ANXA9: variants seen among roughly 807,000 people sequenced by gnomAD.
ANXA9 encodes annexin A9.
In ANXA9, 47 loss-of-function variants were observed where a neutral mutation model predicts 51.8. That is an observed-to-expected ratio of 0.91 (90% CI 0.72 to 1.16). The LOEUF (loss-of-function observed/expected upper bound fraction) is 1.16. ANXA9 is among the 50% of genes most tolerant of loss of function. ANXA9 has a pLI of 0.00. For synonymous variants in ANXA9, 154 were observed against 168.7 expected (o/e 0.91, Z 0.68); for missense variants, 361 against 424.7 (o/e 0.85, Z 1.32).
intron 9 of ANXA9, among the ~76,000 whole-genome samples, chr1:150,987,618 C>T (rs1671597213): frequency 6.6e-6 from 1 of 150,596 alleles, no homozygotes; most frequent in Non-Finnish European, 1.5e-5. Context: ...ATCCCAGCTA[C>T]TCAGGAGGCT....
At chr1:150,986,477 G>T (rs2102793787) in intron 8 of ANXA9, 62 bp downstream of exon 8, 1 of 1,587,780 alleles carries the variant, frequency 6.3e-7, no homozygotes. Context: ...ACACGCTGGA[G>T]CAGGGAGCAT....
At chr1:150,988,430 T>A in intron 12 of ANXA9, 89 bp downstream of exon 12, 1 of 1,482,462 alleles carries the variant, frequency 6.7e-7, no homozygotes, top group Non-Finnish European at 9.4e-7. Flanking sequence ...CCATCCTATA[T>A]ACACCGTCTA....
At chr1:150,986,955 G>A (rs1671575072) in intron 9 of ANXA9, among the ~76,000 whole-genome samples, 1 of 152,058 alleles carries the variant, frequency 6.6e-6, no homozygotes, top group Non-Finnish European at 1.5e-5. Context: ...TTTAATCCTC[G>A]GGTACCAGGA....
chr1:150,980,831 G>A (rs1039397099), upstream of ANXA9, among the ~76,000 whole-genome samples: 19 of 151,912 alleles, frequency 1.3e-4, no homozygotes, highest in Admixed American at 2.6e-4. Context: ...CACCCGCCTC[G>A]GCCTCACAAA....
At chr1:150,988,973 CTTT>C (rs35284337) in intron 12 of ANXA9, among the ~76,000 whole-genome samples, 6 of 141,444 alleles carry the variant, frequency 4.2e-5, no homozygotes, top group Admixed American at 7.1e-5. Context: ...ATTATCCATA[CTTT>C]TTTTTTTTTT....
At chr1:150,986,154 T>A (rs1671550907) in intron 7 of ANXA9, among the ~76,000 whole-genome samples, 182 bp from the exon 8 acceptor site, 1 of 152,132 alleles carries the variant, frequency 6.6e-6, no homozygotes, top group Non-Finnish European at 1.5e-5. Context: ...CTTAGAGATG[T>A]TTTTAGAGTG....
At chr1:150,982,962 A>G in intron 2 of ANXA9, 128 bp from the exon 3 acceptor site, 2 of 662,234 alleles carry the variant, frequency 3.0e-6, no homozygotes, top group Non-Finnish European at 5.1e-6. Flanking sequence ...AAGCAGGTTG[A>G]TCTTTTTTTC....
chr1:150,986,723 T>C, intron 9 of ANXA9, 62 bp downstream of exon 9: 1 of 1,489,118 alleles, frequency 6.7e-7, no homozygotes, highest in Non-Finnish European at 9.1e-7. Flanking sequence ...TCCTCCACCA[T>C]ATCTTAGAGC....
At chr1:150,980,004 C>T (rs1671388918), upstream of ANXA9, among the ~76,000 whole-genome samples, 1 of 152,168 alleles carries the variant, frequency 6.6e-6, no homozygotes, top group African/African-American at 2.4e-5. Flanking sequence ...AAGTCTGGCT[C>T]CAGAAGCTTT....
intron 7 of ANXA9, among the ~76,000 whole-genome samples, 165 bp from the exon 8 acceptor site, chr1:150,986,171 A>G (rs1327398329): frequency 6.6e-6 from 1 of 152,146 alleles, no homozygotes; most frequent in East Asian, 1.9e-4. Context: ...AGTGGCCGTG[A>G]TGGTACTTGT....
chr1:150,988,613 A>T (rs930712937), intron 12 of ANXA9, among the ~76,000 whole-genome samples: 10 of 152,216 alleles, frequency 6.6e-5, no homozygotes, highest in Non-Finnish European at 1.2e-4. Flanking sequence ...TCTGTAAGAC[A>T]GTGCCTTGTG....
intron 9 of ANXA9, among the ~76,000 whole-genome samples, 168 bp from the exon 10 acceptor site, chr1:150,987,704 G>A (rs963868292): frequency 6.6e-6 from 1 of 150,920 alleles, no homozygotes; most frequent in African/African-American, 2.4e-5. Flanking sequence ...CTCCAGCCTG[G>A]GTGACAGAAT....
intron 8 of ANXA9, 62 bp downstream of exon 8, chr1:150,986,477 G>C: frequency 6.3e-7 from 1 of 1,587,782 alleles, no homozygotes; most frequent in Admixed American, 1.7e-5. Context: ...ACACGCTGGA[G>C]CAGGGAGCAT....
At chr1:150,978,550 T>C (rs1327496315), upstream of ANXA9, among the ~76,000 whole-genome samples, 1 of 152,170 alleles carries the variant, frequency 6.6e-6, no homozygotes, top group Non-Finnish European at 1.5e-5. Flanking sequence ...GGAGCCCAAA[T>C]CTGCCTCGCC....
At chr1:150,984,251 T>A (rs779242433) in intron 5 of ANXA9, 30 bp from the exon 6 acceptor site, 1 of 1,596,318 alleles carries the variant, frequency 6.3e-7, no homozygotes, top group African/African-American at 1.3e-5. Flanking sequence ...CTCACCCCCG[T>A]CCCTCTGCTG....
At chr1:150,993,993 T>C (rs1223907368) in intron 12 of ANXA9, among the ~76,000 whole-genome samples, 1 of 152,130 alleles carries the variant, frequency 6.6e-6, no homozygotes, top group Non-Finnish European at 1.5e-5. Context: ...GCCTGCTGCA[T>C]GTACAGGAGG....
chr1:150,985,574 A>G (rs587619825), intron 7 of ANXA9, among the ~76,000 whole-genome samples: 15 of 126,552 alleles, frequency 1.2e-4, no homozygotes, highest in Admixed American at 5.2e-4. Flanking sequence ...ATCTTGGCCT[A>G]TGTTCTTCTT....
rs1671612364 is a variant in ANXA9 at position 150,988,099 on chromosome 1, C to T, written c.706C>T (p.Gln236Ter). 1.9e-6 allele frequency: 3 copies of T among 1,614,210 alleles called. No individual in the cohort carries two copies. The highest frequency in any genetic ancestry group is 2.5e-6 in the Non-Finnish European group (3 of 1,180,044). ...NPEHLIRVFD[Q>*]YQRSTGQELE... ...CCTCCTACACACACAAGTGTTTGAT[C>T]AGTACCAGCGGAGCACTGGGCAAGA... Residue 236 changes from glutamine (Q) to a stop codon, truncating the protein, a stop_gained, in exon 11 of 14, where the codon CAG becomes TAG. Coordinates refer to ENST00000368947, the MANE Select transcript of ANXA9 (RefSeq NM_003568.3). LOFTEE classifies it high-confidence loss of function.
chr1:150,984,518 C>T (rs926160045), intron 6 of ANXA9, 68 bp from the exon 7 acceptor site: 3 of 1,513,190 alleles, frequency 2.0e-6, no homozygotes, highest in Admixed American at 3.4e-5. Flanking sequence ...AAGCAGCCAG[C>T]GTCTGCCCCT....
Sources: allele counts gnomAD v4.1 joint callset (sites outside exome capture counted in the v4.1 genomes callset), GRCh38; gene constraint gnomAD v4.1.1; transcripts MANE v1.5; gene names NCBI Gene and HGNC (gene_info 2026-07-23, HGNC 2026-07-21).